The following CELF2 variants were observed in gnomAD, a reference collection of about 807,000 sequenced individuals.
CELF2 encodes CUG triplet repeat RNA-binding protein 2.
Under a neutral mutation model 62.6 loss-of-function variants are expected in CELF2, and 8 were observed. That is an observed-to-expected ratio of 0.13 (90% CI 0.07 to 0.23). CELF2 has a LOEUF of 0.23. Among genes scored for constraint, CELF2 ranks in the 10% least tolerant of loss-of-function variants. The pLI is 1.00. For missense variants in CELF2, 333 were observed against 671.0 expected (o/e 0.50, Z 5.56); for synonymous variants, 258 against 250.0 (o/e 1.03, Z -0.30).
At chr10:10,772,090 G>T in the CELF2 span, among the ~76,000 whole-genome samples, 2 of 151,840 alleles carry the variant, frequency 1.3e-5, no homozygotes. Flanking sequence ...TGTACAGAAA[G>T]ACCAGTTTGA....
At chr10:10,651,099 A>G in the CELF2 span, among the ~76,000 whole-genome samples, 3 of 148,814 alleles carry the variant, frequency 2.0e-5, no homozygotes, top group East Asian at 1.9e-4. Flanking sequence ...CAAGTCAAAG[A>G]AAGGGGTGAC....
At chr10:11,124,085 C>A (rs1462790495) in intron 1 of CELF2, among the ~76,000 whole-genome samples, 1 of 152,176 alleles carries the variant, frequency 6.6e-6, no homozygotes, top group East Asian at 1.9e-4. Context: ...CATCAGATCT[C>A]ATGAGACTTA....
chr10:10,904,643 G>T (rs950500990), intron 1 of CELF2, among the ~76,000 whole-genome samples: 1 of 152,176 alleles, frequency 6.6e-6, no homozygotes, highest in African/African-American at 2.4e-5. Context: ...TGGGCATGCA[G>T]GTTGTTTCTG....
chr10:10,891,885 AT>A (rs2062171655), intron 1 of CELF2, among the ~76,000 whole-genome samples: 1 of 152,182 alleles, frequency 6.6e-6, no homozygotes. Context: ...TCGCAGGATC[AT>A]TGGGAGGAGC....
rs1248659243 is a variant in CELF2 at position 11,280,924 on chromosome 10, A to T, written c.841+5804A>T. On this transcript the variant is annotated intron_variant, in intron 8 of 12. Coordinates refer to ENST00000633077, the MANE Select transcript of CELF2 (RefSeq NM_001326342.2). This position sits in a 1 kb window ranked among gnomAD's most constrained non-coding sequence, Gnocchi z 7.6. ...ACACCTGTGCCCAGGAAGGTAGCTAAGAATGGAGGAGCTCGGGCTCGCCTG... is the reference window on the plus strand; with the variant it reads ...ACACCTGTGCCCAGGAAGGTAGCTATGAATGGAGGAGCTCGGGCTCGCCTG... Among the ~76,000 whole-genome samples, 12 of 151,984 alleles carry T rather than the reference A, an allele frequency of 7.9e-5. No homozygotes were observed. The highest frequency in any genetic ancestry group is 1.8e-4 in the Non-Finnish European group (12 of 68,010).
chr10:10,810,186 A>G (rs1003217282), intron 1 of CELF2, among the ~76,000 whole-genome samples: 11 of 152,226 alleles, frequency 7.2e-5, no homozygotes, highest in Non-Finnish European at 1.5e-4. Context: ...TTCATTTTTA[A>G]TATTAGCCAT....
In CELF2 at chr10:11,321,502, G is replaced by T; in HGVS notation, c.1294+116G>T. ...ACCCATGTCATAACAGAAAGCAGTT[G>T]TTTTGTTATTCATGTTTAAAAAAAA... On this transcript the variant is annotated intron_variant, in intron 11 of 12. Coordinates refer to ENST00000633077, the MANE Select transcript of CELF2 (RefSeq NM_001326342.2). This position sits in a 1 kb window ranked among gnomAD's most constrained non-coding sequence, Gnocchi z 6.2. 6 of 775,888 alleles carry T rather than the reference G, an allele frequency of 7.7e-6. No homozygotes were observed. The highest frequency in any genetic ancestry group is 2.8e-5 in the East Asian group (1 of 36,072). The allele number at this position is 775,888 out of a possible 1,614,324, so 48.1% of individuals were successfully genotyped here.
chr10:10,979,672 C>CAAAAAAAAAA lies in CELF2; in HGVS notation c.89+59689_89+59698dup, dbSNP rs35482385. On this transcript the variant is annotated intron_variant, in intron 2 of 13. Transcript: ENST00000636488. ...GGCGATAGAGCCAGACCTTGTCTCT[C>CAAAAAAAAAA]AAAAAAAAAAAAAAAAAAAAAAAAA... 2.4e-3 allele frequency among the ~76,000 whole-genome samples: 163 copies of CAAAAAAAAAA among 68,952 alleles called. 1 individual carries two copies. The highest frequency in any genetic ancestry group is 7.3e-3 in the African/African-American group (155 of 21,204). The allele number at this position is 68,952 out of a possible 152,430, so 45.2% of individuals were successfully genotyped here.
chr10:10,797,394 GA>G (rs76696057), upstream of CELF2, among the ~76,000 whole-genome samples: 1,066 of 136,414 alleles, frequency 7.8e-3, 10 homozygotes, highest in East Asian at 0.033. Flanking sequence ...GCAACAAAGA[GA>G]AAAAAAAAAA....
the CELF2 span, among the ~76,000 whole-genome samples, chr10:10,708,796 A>G: frequency 6.6e-6 from 1 of 152,162 alleles, no homozygotes; most frequent in African/African-American, 2.4e-5. Context: ...TGAAAATTAT[A>G]TGTAAGAAAT....
chr10:11,184,915 G>A (rs1588549978), intron 2 of CELF2, among the ~76,000 whole-genome samples: 1 of 151,910 alleles, frequency 6.6e-6, no homozygotes, highest in East Asian at 1.9e-4. Context: ...CACTATGGAG[G>A]TGAATAGAAA....
chr10:11,238,857 C>A (rs1475340074), intron 3 of CELF2, among the ~76,000 whole-genome samples: 1 of 152,166 alleles, frequency 6.6e-6, no homozygotes, highest in African/African-American at 2.4e-5. Flanking sequence ...TATTTTAAGC[C>A]TATTCATTTT....
the CELF2 span, among the ~76,000 whole-genome samples, chr10:10,747,435 G>A: frequency 2.0e-5 from 3 of 152,102 alleles, no homozygotes; most frequent in Admixed American, 6.5e-5. Flanking sequence ...CAAGTGCAAC[G>A]AAGGAAAGGG....
rs75886172 is a variant in CELF2, at chr10:11,298,555, A to G, written c.976+10003A>G. ...AGAATGTAACAGAGGATTTCTAATT[A>G]TATTTGTCTTTCTAGAGTATGTAGA... On this transcript the variant is annotated intron_variant, in intron 9 of 12. Coordinates refer to ENST00000633077, the MANE Select transcript of CELF2 (RefSeq NM_001326342.2). Among the ~76,000 whole-genome samples, 1,118 of 152,332 alleles carry G rather than the reference A, an allele frequency of 7.3e-3. 12 individuals are homozygous for G. The highest frequency in any genetic ancestry group is 0.026 in the African/African-American group (1,066 of 41,576).
chr10:11,045,805 C>A (rs1395980998), intron 1 of CELF2, among the ~76,000 whole-genome samples: 2 of 152,124 alleles, frequency 1.3e-5, no homozygotes, highest in East Asian at 3.9e-4. Context: ...AACACAGAGA[C>A]CCCCTTAAGG....
the CELF2 span, among the ~76,000 whole-genome samples, chr10:10,694,634 T>A: frequency 6.6e-6 from 1 of 151,748 alleles, no homozygotes; most frequent in Non-Finnish European, 1.5e-5. Context: ...CCATTATGAA[T>A]GTGTGGGAGT....
chr10:10,955,139 G>A (rs2048755180), intron 2 of CELF2, among the ~76,000 whole-genome samples: 1 of 152,210 alleles, frequency 6.6e-6, no homozygotes, highest in Non-Finnish European at 1.5e-5. Context: ...CACAACAACT[G>A]CCAGAAAGAT....
At chr10:10,953,492 T>C (rs1365732409) in intron 2 of CELF2, among the ~76,000 whole-genome samples, 1 of 152,194 alleles carries the variant, frequency 6.6e-6, no homozygotes, top group African/African-American at 2.4e-5. Flanking sequence ...AAGACTGCTG[T>C]TATAAATCCT....
In CELF2 at chr10:11,331,317, G is replaced by T. The variant is rs1591746828; in HGVS notation, c.*2264G>T. ...AAAAAGAATTTCAAAAAAAAAAGTT[G>T]TTTGCTTAAAAAAAATTTCATGTGA... On this transcript the variant is annotated 3_prime_UTR_variant, in exon 13 of 13. Coordinates refer to ENST00000633077, the MANE Select transcript of CELF2 (RefSeq NM_001326342.2). 2.8e-5 allele frequency: 4 copies of T among 141,676 alleles called. No homozygotes were observed. Among genetic ancestry groups the T allele is most frequent in the East Asian group, 2.1e-4 (1 of 4,834 alleles). The allele number at this position is 141,676 out of a possible 1,614,324, so 8.8% of individuals were successfully genotyped here. A position where few individuals can be genotyped will look rare whatever the true frequency, so the allele number is the denominator to read the frequency against.
Sources: gnomAD v4.1 joint callset for allele counts (sites outside exome capture counted in the v4.1 genomes callset) on GRCh38, gnomAD v4.1.1 for gene constraint, Gnocchi (gnomAD v3.1) non-coding constraint, MANE v1.5 for transcripts, NCBI Gene and HGNC (gene_info 2026-07-23, HGNC 2026-07-21) for gene names.